The following SYK variants were observed in gnomAD, a reference collection of about 807,000 sequenced individuals.
The protein encoded by SYK is spleen associated tyrosine kinase, also known as tyrosine-protein kinase SYK.
A neutral mutation model predicts 77.8 loss-of-function variants in SYK; 16 were observed. The ratio of observed to expected loss-of-function variants is 0.21; its 90% CI spans 0.14 to 0.31. The LOEUF is 0.31. SYK is among the 10% of genes least tolerant of loss of function. SYK has a pLI of 1.00. For synonymous variants in SYK, 312 were observed against 308.7 expected, an observed-to-expected ratio of 1.01 and a Z score of -0.11; for missense variants, 529 against 814.4, an observed-to-expected ratio of 0.65 and a Z score of 4.26.
chr9:90,818,553 T>C (rs1174466564), intron 1 of SYK, among the ~76,000 whole-genome samples: 1 of 152,212 alleles, frequency 6.6e-6, no homozygotes, highest in Non-Finnish European at 1.5e-5. Flanking sequence ...TAAGGAAGCA[T>C]GGGAGCCCAG....
At chr9:90,836,388 C>T (rs1826087331) in intron 1 of SYK, among the ~76,000 whole-genome samples, 1 of 151,912 alleles carries the variant, frequency 6.6e-6, no homozygotes, top group Middle Eastern at 3.2e-3. Context: ...GTGTACAACT[C>T]TATTATTAAA....
chr9:90,886,137 T>G (rs991394125), intron 11 of SYK, among the ~76,000 whole-genome samples: 1 of 152,120 alleles, frequency 6.6e-6, no homozygotes, highest in African/African-American at 2.4e-5. Flanking sequence ...TCCTGTTAAA[T>G]AGTGGGCTAA....
intron 10 of SYK, 52 bp downstream of exon 10, chr9:90,877,832 C>A (rs1828004362): frequency 1.9e-6 from 3 of 1,598,656 alleles, no homozygotes; most frequent in Non-Finnish European, 1.7e-6. Flanking sequence ...AGGGACAGGG[C>A]CCACCCCTGG....
At chr9:90,801,798 G>C (rs199721697), upstream of SYK, 1 of 152,270 alleles carries the variant, frequency 6.6e-6, no homozygotes, top group Non-Finnish European at 1.5e-5. Flanking sequence ...AGGAAGAGCC[G>C]CGGGCCCGGC....
At chr9:90,820,861 C>CT (rs548831527) in intron 1 of SYK, among the ~76,000 whole-genome samples, 10,235 of 145,608 alleles carry the variant, frequency 0.07, 440 homozygotes, top group Non-Finnish European at 0.095. Context: ...CTTTTATGCT[C>CT]TTTTTTTTTT....
chr9:90,869,683 T>C (rs1052805242), intron 7 of SYK, among the ~76,000 whole-genome samples: 1 of 152,246 alleles, frequency 6.6e-6, no homozygotes, highest in African/African-American at 2.4e-5. Context: ...ATGTTAGAAC[T>C]TGAACTACCT....
At chr9:90,813,295 G>A (rs142872562) in intron 1 of SYK, among the ~76,000 whole-genome samples, 2 of 152,012 alleles carry the variant, frequency 1.3e-5, no homozygotes, top group South Asian at 2.1e-4. Context: ...GGGATGGGCC[G>A]CTGCTGCTAC....
At chr9:90,812,739 A>ATGTGTG (rs1491224481) in intron 1 of SYK, among the ~76,000 whole-genome samples, 508 of 94,040 alleles carry the variant, frequency 5.4e-3, no homozygotes, top group Middle Eastern at 0.016. Context: ...TCCCCATTTG[A>ATGTGTG]TATGTGTGTG....
intron 1 of SYK, among the ~76,000 whole-genome samples, chr9:90,814,859 CACACACAA>C (rs112825781): frequency 0.41 from 39,102 of 95,816 alleles, 5,459 homozygotes; most frequent in Admixed American, 0.52. Flanking sequence ...CACACACACA[CACACACAA>C]AATAATGTTA....
intron 3 of SYK, among the ~76,000 whole-genome samples, chr9:90,851,060 G>GCTA (rs1826801064): frequency 6.6e-6 from 1 of 152,158 alleles, no homozygotes; most frequent in Admixed American, 6.5e-5. Context: ...ACTTAAGGGG[G>GCTA]CTAAACTTAT....
At chr9:90,805,523 C>T (rs1361653675) in intron 1 of SYK, among the ~76,000 whole-genome samples, 7 of 152,150 alleles carry the variant, frequency 4.6e-5, no homozygotes, top group Non-Finnish European at 1.0e-4. Flanking sequence ...AGAAGGAGGG[C>T]CCAGGGCAGA....
intron 1 of SYK, among the ~76,000 whole-genome samples, chr9:90,815,755 T>G (rs764287416): frequency 6.6e-6 from 1 of 152,250 alleles, no homozygotes; most frequent in Non-Finnish European, 1.5e-5. Context: ...TAGTCCCACG[T>G]GAAAAGGGGA....
At chr9:90,838,977 A>T (rs1826189733) in intron 1 of SYK, among the ~76,000 whole-genome samples, 1 of 152,202 alleles carries the variant, frequency 6.6e-6, no homozygotes, top group African/African-American at 2.4e-5. Flanking sequence ...AGCCGTGGCC[A>T]AGACTACGCT....
At chr9:90,827,125 A>G (rs1053501324) in intron 1 of SYK, among the ~76,000 whole-genome samples, 6 of 151,818 alleles carry the variant, frequency 4.0e-5, no homozygotes, top group South Asian at 2.1e-4. Flanking sequence ...AAACCTCGCT[A>G]TACCCATTCC....
intron 3 of SYK, among the ~76,000 whole-genome samples, chr9:90,850,068 C>T (rs1463219687): frequency 6.6e-6 from 1 of 152,220 alleles, no homozygotes; most frequent in African/African-American, 2.4e-5. Context: ...GTGAGAAAAC[C>T]AGGCAGGTCC....
In SYK at chr9:90,897,304, C is replaced by T. The variant is rs1023972030; in HGVS notation, c.*1704C>T. ...CGCACACTTTCTGAAATCACACTATCTGGTGGTTTAATCATATTTTTAAAG... is the reference window on the plus strand; with the variant it reads ...CGCACACTTTCTGAAATCACACTATTTGGTGGTTTAATCATATTTTTAAAG... On this transcript the variant is annotated 3_prime_UTR_variant, in exon 14 of 14. Coordinates refer to ENST00000375754, the MANE Select transcript of SYK (RefSeq NM_003177.7). 1.7e-5 allele frequency: 4 copies of T among 230,520 alleles called. No homozygotes were observed. Among genetic ancestry groups the T allele is most frequent in the Non-Finnish European group, 2.6e-5 (3 of 116,354 alleles). 14.3% of individuals were successfully genotyped at this position (230,520 alleles called of 1,614,324 possible).
intron 1 of SYK, among the ~76,000 whole-genome samples, chr9:90,808,914 C>T (rs1043348574): frequency 5.9e-5 from 9 of 152,216 alleles, no homozygotes; most frequent in Non-Finnish European, 1.3e-4. Flanking sequence ...CATTCATTGC[C>T]AAGCTACTCA....
chr9:90,837,863 A>G (rs2118566261), intron 1 of SYK, among the ~76,000 whole-genome samples: 1 of 152,346 alleles, frequency 6.6e-6, no homozygotes, highest in Non-Finnish European at 1.5e-5. Flanking sequence ...CTGTGACTGC[A>G]TCAGATGGAG....
chr9:90,872,476 G>A (rs1360659951), intron 7 of SYK, among the ~76,000 whole-genome samples: 3 of 152,220 alleles, frequency 2.0e-5, no homozygotes, highest in African/African-American at 7.2e-5. Flanking sequence ...GCCTAGAATT[G>A]GTTGCGGGAG....
Sources: allele counts gnomAD v4.1 joint callset (sites outside exome capture counted in the v4.1 genomes callset), GRCh38; gene constraint gnomAD v4.1.1; transcripts MANE v1.5; gene names NCBI Gene and HGNC (gene_info 2026-07-23, HGNC 2026-07-21).